GLIS1: variants seen among roughly 807,000 people sequenced by gnomAD.
GLIS1 encodes zinc finger protein GLIS1.
GLIS1 carries 24 observed loss-of-function variants against 63.8 expected under a neutral mutation model. That is an observed-to-expected ratio of 0.38 (90% CI 0.27 to 0.53). GLIS1 has a LOEUF of 0.53. GLIS1 is among the 20% of genes least tolerant of loss of function. The pLI, the probability that GLIS1 is intolerant of heterozygous loss-of-function variation, is 0.85. For missense variants in GLIS1, 1,036 were observed against 1,074.1 expected (o/e 0.96, Z 0.50); for synonymous variants, 450 against 482.5 (o/e 0.93, Z 0.88).
At chr1:53,704,770 G>T (rs1211898903) in intron 2 of GLIS1, among the ~76,000 whole-genome samples, 1 of 152,222 alleles carries the variant, frequency 6.6e-6, no homozygotes, top group Non-Finnish European at 1.5e-5. Flanking sequence ...CCTGGGGCAA[G>T]TCACTTCCTC....
At chr1:53,679,057 G>A (rs893761587) in intron 2 of GLIS1, among the ~76,000 whole-genome samples, 2 of 152,216 alleles carry the variant, frequency 1.3e-5, no homozygotes, top group African/African-American at 4.8e-5. Flanking sequence ...CAGGTCTGAA[G>A]TTGGGCTCGT....
chr1:53,677,817 A>G (rs1034134980), intron 2 of GLIS1, among the ~76,000 whole-genome samples: 1 of 152,106 alleles, frequency 6.6e-6, no homozygotes, highest in Non-Finnish European at 1.5e-5. Flanking sequence ...GCGTTCCTCC[A>G]AGCCTTCTTC....
chr1:53,610,449 G>C (rs1645414048), intron 2 of GLIS1, among the ~76,000 whole-genome samples: 1 of 152,164 alleles, frequency 6.6e-6, no homozygotes, highest in Non-Finnish European at 1.5e-5. Flanking sequence ...GCTGGGTATA[G>C]AATTCTAAGT....
intron 2 of GLIS1, among the ~76,000 whole-genome samples, chr1:53,686,231 G>A (rs1052572968): frequency 6.6e-6 from 1 of 152,224 alleles, no homozygotes; most frequent in Non-Finnish European, 1.5e-5. Flanking sequence ...GAGGAAGGAA[G>A]GAAGGAAGGA....
intron 2 of GLIS1, among the ~76,000 whole-genome samples, chr1:53,701,149 G>A (rs1646518805): frequency 6.6e-6 from 1 of 152,184 alleles, no homozygotes; most frequent in African/African-American, 2.4e-5. Context: ...GAGTGTAGCT[G>A]GGGGGTCAAA....
chr1:53,543,273 C>T (rs373729419), intron 4 of GLIS1, among the ~76,000 whole-genome samples: 36 of 151,234 alleles, frequency 2.4e-4, no homozygotes, highest in Non-Finnish European at 4.3e-4. Flanking sequence ...GACGTGGACA[C>T]GGGAAAAGCG....
intron 7 of GLIS1, among the ~76,000 whole-genome samples, chr1:53,515,816 TAAAAAAAA>T (rs58953406): frequency 7.2e-5 from 5 of 69,136 alleles, no homozygotes; most frequent in South Asian, 5.5e-4. Context: ...CTATTTTATC[TAAAAAAAA>T]AAAAAAAAAA....
At chr1:53,729,102 C>T (rs998820491) in intron 2 of GLIS1, among the ~76,000 whole-genome samples, 4 of 152,236 alleles carry the variant, frequency 2.6e-5, no homozygotes, top group Admixed American at 1.3e-4. Context: ...AGTATAGATG[C>T]TGTCACGTGG....
chr1:53,708,637 A>G (rs973176564), intron 2 of GLIS1, among the ~76,000 whole-genome samples: 2 of 151,858 alleles, frequency 1.3e-5, no homozygotes, highest in African/African-American at 4.8e-5. Flanking sequence ...CAAGAAGGCA[A>G]CTCAGGAACA....
At chr1:53,617,307 T>A (rs1248800833) in intron 2 of GLIS1, among the ~76,000 whole-genome samples, 1 of 152,154 alleles carries the variant, frequency 6.6e-6, no homozygotes, top group Non-Finnish European at 1.5e-5. Flanking sequence ...CTTTCTAATA[T>A]CTTGCCAGAT....
intron 2 of GLIS1, among the ~76,000 whole-genome samples, chr1:53,709,339 T>C (rs961996138): frequency 2.2e-5 from 3 of 134,852 alleles, no homozygotes; most frequent in Non-Finnish European, 4.6e-5. Context: ...CACATATATA[T>C]ACATATATAC....
At chr1:53,577,137 C>A (rs1247624252) in intron 4 of GLIS1, among the ~76,000 whole-genome samples, 25 of 151,834 alleles carry the variant, frequency 1.6e-4, no homozygotes, top group South Asian at 8.3e-4. Context: ...GCCTCCCCCC[C>A]CTCCATGCTT....
At chr1:53,577,902 C>T (rs1645048595) in intron 4 of GLIS1, among the ~76,000 whole-genome samples, 1 of 152,118 alleles carries the variant, frequency 6.6e-6, no homozygotes, top group African/African-American at 2.4e-5. Context: ...GCTTCGTTAA[C>T]TCACACCCTG....
At chr1:53,666,547 G>GCC (rs1320211023) in intron 2 of GLIS1, among the ~76,000 whole-genome samples, 2 of 152,072 alleles carry the variant, frequency 1.3e-5, no homozygotes, top group Non-Finnish European at 2.9e-5. Context: ...GGTCTGGCTT[G>GCC]CCTCCTCTCT....
chr1:53,676,407 C>T (rs1335133313), intron 2 of GLIS1, among the ~76,000 whole-genome samples: 1 of 152,182 alleles, frequency 6.6e-6, no homozygotes, highest in African/African-American at 2.4e-5. Flanking sequence ...CCGCCTCCCC[C>T]ACACCCTGGC....
intron 2 of GLIS1, among the ~76,000 whole-genome samples, chr1:53,604,468 C>T (rs1462410380): frequency 6.6e-6 from 1 of 152,246 alleles, no homozygotes; most frequent in Non-Finnish European, 1.5e-5. Context: ...CCTGCCAAGT[C>T]TGCGTGAGAG....
chr1:53,736,787 G>T (rs1646916495), intron 2 of GLIS1, among the ~76,000 whole-genome samples: 1 of 152,114 alleles, frequency 6.6e-6, no homozygotes, highest in East Asian at 1.9e-4. Flanking sequence ...GGGTGTTTTT[G>T]ATCCACAAGG....
At position 53,639,078 on chromosome 1, in the gene GLIS1, G is replaced by T. The variant is rs569328903; in HGVS notation, c.260-38800C>A. 6.6e-6 allele frequency among the ~76,000 whole-genome samples: 1 copy of T among 152,256 alleles called. No individual in the cohort carries two copies. Among genetic ancestry groups the T allele is most frequent in the East Asian group, 1.9e-4 (1 of 5,188 alleles). ...AGGATTGAAACTAGGATCTGCCACTGGTTAACTGTGTGACTTTGAGCCAGT... is the reference window on the plus strand; with the variant it reads ...AGGATTGAAACTAGGATCTGCCACTTGTTAACTGTGTGACTTTGAGCCAGT... On this transcript the variant is annotated intron_variant, in intron 2 of 10. Transcript: ENST00000628545. This position sits in a 1 kb window ranked among gnomAD's most constrained non-coding sequence, Gnocchi z 4.6.
intron 4 of GLIS1, among the ~76,000 whole-genome samples, 180 bp downstream of exon 4, chr1:53,593,927 CA>C (rs1645219240): frequency 6.6e-6 from 1 of 152,248 alleles, no homozygotes; most frequent in African/African-American, 2.4e-5. Flanking sequence ...TTCCCAGTGA[CA>C]GGGGCACTGA....
Sources: gnomAD v4.1 joint callset for allele counts (sites outside exome capture counted in the v4.1 genomes callset) on GRCh38, gnomAD v4.1.1 for gene constraint, Gnocchi (gnomAD v3.1) non-coding constraint, MANE v1.5 for transcripts, NCBI Gene and HGNC (gene_info 2026-07-23, HGNC 2026-07-21) for gene names.